Variants in ZNF365 observed in about 807,000 individuals in gnomAD.
ZNF365 encodes zinc finger protein 365.
ZNF365 carries 22 observed loss-of-function variants against 35.0 expected under a neutral mutation model. That is an observed-to-expected ratio of 0.63 (90% confidence interval 0.45 to 0.90). The LOEUF (loss-of-function observed/expected upper bound fraction) is 0.90, where lower values mean the gene tolerates loss of function less well. Ranked by LOEUF, ZNF365 falls within the 40% of genes least tolerant of loss-of-function variation. The pLI, the probability that ZNF365 is intolerant of heterozygous loss-of-function variation, is 0.00. For synonymous variants in ZNF365, 188 were observed against 196.2 expected (o/e 0.96, Z 0.35); for missense variants, 448 against 500.3 (o/e 0.90, Z 1.00).
chr10:62,464,841 G>C (rs1322152250), intron 4 of ZNF365, among the ~76,000 whole-genome samples: 1 of 152,226 alleles, frequency 6.6e-6, no homozygotes, highest in African/African-American at 2.4e-5. Flanking sequence ...GATGGTGATG[G>C]TGATGGTGGC....
chr10:62,445,519 G>A (rs1477785580), intron 3 of ZNF365, among the ~76,000 whole-genome samples: 5 of 152,144 alleles, frequency 3.3e-5, no homozygotes, highest in South Asian at 2.1e-4. Flanking sequence ...CAACCAGGTC[G>A]CTCATCAGAA....
intron 2 of ZNF365, among the ~76,000 whole-genome samples, chr10:62,380,997 A>T (rs906674547): frequency 6.6e-6 from 1 of 152,012 alleles, no homozygotes; most frequent in Non-Finnish European, 1.5e-5. Context: ...TGTGGGGGGG[A>T]ACATAAAATG....
At chr10:62,441,760 T>C (rs1394728215) in intron 3 of ZNF365, among the ~76,000 whole-genome samples, 1 of 152,246 alleles carries the variant, frequency 6.6e-6, no homozygotes, top group African/African-American at 2.4e-5. Context: ...GGACCTATTT[T>C]ACATGTTTAA....
At chr10:62,480,056 A>G in exon 5 of ZNF365, 1 of 1,377,226 alleles carries the variant, frequency 7.3e-7, no homozygotes, top group Non-Finnish European at 9.6e-7. Context: ...GACTTTACTC[A>G]CCAGGAGTGG....
chr10:62,421,503 C>T (rs4146644), intron 3 of ZNF365, among the ~76,000 whole-genome samples: 93,185 of 151,740 alleles, frequency 0.61, 29,287 homozygotes, highest in East Asian at 0.84. Flanking sequence ...AATGTTAACC[C>T]AAGTCCGTAT....
At chr10:62,411,697 G>A (rs1476201897) in intron 3 of ZNF365, among the ~76,000 whole-genome samples, 1 of 152,064 alleles carries the variant, frequency 6.6e-6, no homozygotes, top group Non-Finnish European at 1.5e-5. Context: ...AGTACAGTTT[G>A]AAGTTGGGTA....
At chr10:62,406,041 G>A (rs185855847), downstream of ZNF365, among the ~76,000 whole-genome samples, 106 of 152,334 alleles carry the variant, frequency 7.0e-4, no homozygotes, top group Middle Eastern at 3.4e-3. Flanking sequence ...GAGGAGCTTA[G>A]AGTGGGTAAG....
At position 62,379,906 on chromosome 10, in the gene ZNF365, A is replaced by C. The variant is rs187627784; in HGVS notation, c.743+2970A>C. 2.4e-3 allele frequency among the ~76,000 whole-genome samples: 364 copies of C among 152,236 alleles called. 3 individuals carry two copies. The highest frequency in any genetic ancestry group is 3.0e-3 in the Non-Finnish European group (205 of 68,004). ...AGCTCCCTAGGCCCATTTGTGAGAG[A>C]AAGTAGGTTGTTAACCATCTCATTC... On this transcript the variant is annotated intron_variant, in intron 2 of 4. Coordinates refer to ENST00000395254, the MANE Select transcript of ZNF365 (RefSeq NM_014951.3).
chr10:62,410,127 G>A (rs576676244), intron 3 of ZNF365, among the ~76,000 whole-genome samples: 1 of 152,150 alleles, frequency 6.6e-6, no homozygotes, highest in South Asian at 2.1e-4. Context: ...CTTGTTTATT[G>A]TCTTTCCCTT....
intron 3 of ZNF365, among the ~76,000 whole-genome samples, chr10:62,390,091 G>A (rs1413015295): frequency 6.6e-6 from 1 of 152,090 alleles, no homozygotes; most frequent in Non-Finnish European, 1.5e-5. Flanking sequence ...ATGGTGCCCA[G>A]ATGTGAGGTG....
chr10:62,405,439 G>C (rs1398194354), downstream of ZNF365, among the ~76,000 whole-genome samples: 2 of 152,162 alleles, frequency 1.3e-5, no homozygotes, highest in Non-Finnish European at 1.5e-5. Context: ...GCTTGAGTGA[G>C]AAAAAGGAAT....
At chr10:62,433,636 T>C (rs1840364926) in intron 3 of ZNF365, among the ~76,000 whole-genome samples, 1 of 152,098 alleles carries the variant, frequency 6.6e-6, no homozygotes, top group African/African-American at 2.4e-5. Flanking sequence ...AAGCAGAAGG[T>C]CAACTCCACA....
chr10:62,434,988 G>A (rs984576349), intron 3 of ZNF365, among the ~76,000 whole-genome samples: 2 of 152,172 alleles, frequency 1.3e-5, no homozygotes, highest in African/African-American at 4.8e-5. Context: ...AACAAGATGG[G>A]TTCCTGAATG....
chr10:62,413,384 T>C (rs1416053704), intron 3 of ZNF365, among the ~76,000 whole-genome samples: 2 of 152,194 alleles, frequency 1.3e-5, no homozygotes, highest in African/African-American at 4.8e-5. Context: ...AAATGCTCCC[T>C]AAACTTATTT....
At chr10:62,416,263 A>G (rs1840073078) in intron 3 of ZNF365, among the ~76,000 whole-genome samples, 1 of 152,078 alleles carries the variant, frequency 6.6e-6, no homozygotes, top group Admixed American at 6.6e-5. Flanking sequence ...AAAACGATGA[A>G]ACTAAAACTC....
At chr10:62,456,872 TACA>T (rs1221109940) in intron 3 of ZNF365, among the ~76,000 whole-genome samples, 1 of 152,116 alleles carries the variant, frequency 6.6e-6, no homozygotes, top group South Asian at 2.1e-4. Context: ...ACTCAGTGAT[TACA>T]ACAATAAGCA....
At chr10:62,410,805 T>C (rs1208904977) in intron 3 of ZNF365, among the ~76,000 whole-genome samples, 1 of 151,964 alleles carries the variant, frequency 6.6e-6, no homozygotes, top group Non-Finnish European at 1.5e-5. Context: ...TTTGGTATTT[T>C]CATGTCAAAT....
chr10:62,435,078 G>A (rs1350107160), intron 3 of ZNF365, among the ~76,000 whole-genome samples: 1 of 152,066 alleles, frequency 6.6e-6, no homozygotes, highest in African/African-American at 2.4e-5. Flanking sequence ...GGTGGAAAGG[G>A]GTATTTTGGA....
At chr10:62,436,259 T>C (rs772217405) in intron 3 of ZNF365, among the ~76,000 whole-genome samples, 5 of 152,032 alleles carry the variant, frequency 3.3e-5, no homozygotes, top group Non-Finnish European at 7.4e-5. Flanking sequence ...TCTAGACAAA[T>C]AGGAAAGTTC....
Sources: allele counts gnomAD v4.1 joint callset (sites outside exome capture counted in the v4.1 genomes callset), GRCh38; gene constraint gnomAD v4.1.1; transcripts MANE v1.5; gene names NCBI Gene and HGNC (gene_info 2026-07-23, HGNC 2026-07-21).